Variants in GSG1L observed in about 807,000 individuals in gnomAD.
GSG1L encodes the protein germ cell-specific gene 1-like protein.
Under a neutral mutation model 42.1 loss-of-function variants are expected in GSG1L, and 24 were observed. That is an observed-to-expected ratio of 0.57 (90% CI 0.41 to 0.80). The LOEUF is 0.80. Among genes scored for constraint, GSG1L ranks in the 30% least tolerant of loss-of-function variants. The pLI, the probability that GSG1L is intolerant of heterozygous loss-of-function variation, is 0.00. For synonymous variants in GSG1L, 215 were observed against 203.5 expected (o/e 1.06, Z -0.48); for missense variants, 445 against 472.2 (o/e 0.94, Z 0.53).
chr16:27,803,793 A>ATATATATATATATATATAAT (rs1567460435), intron 6 of GSG1L, among the ~76,000 whole-genome samples: 21 of 56,070 alleles, frequency 3.7e-4, no homozygotes, highest in African/African-American at 1.2e-3. Context: ...ATATATATAT[A>ATATATATATATATATATAAT]TAGATAGATA....
At chr16:27,854,475 A>G (rs983796613) in intron 3 of GSG1L, among the ~76,000 whole-genome samples, 5 of 152,160 alleles carry the variant, frequency 3.3e-5, no homozygotes, top group African/African-American at 1.2e-4. Context: ...AGCCCTTTCC[A>G]TTACATCCCC....
intron 3 of GSG1L, among the ~76,000 whole-genome samples, chr16:27,860,425 G>T (rs879443961): frequency 6.6e-6 from 1 of 152,344 alleles, no homozygotes; most frequent in Middle Eastern, 3.4e-3. Flanking sequence ...TCCAGCCCCT[G>T]CAATATCACA....
chr16:27,852,747 C>T (rs998843387), intron 3 of GSG1L, among the ~76,000 whole-genome samples: 1 of 152,142 alleles, frequency 6.6e-6, no homozygotes, highest in Non-Finnish European at 1.5e-5. Context: ...GGAATTGCAA[C>T]TTTCGGAGCA....
At chr16:28,022,352 G>T (rs533481055) in intron 1 of GSG1L, among the ~76,000 whole-genome samples, 1 of 152,086 alleles carries the variant, frequency 6.6e-6, no homozygotes, top group East Asian at 1.9e-4. Flanking sequence ...AGGAGACAAG[G>T]TCTCACTCTG....
In GSG1L at chr16:27,891,884, C is replaced by CTTTTTTTTTTTTT. The variant is rs60746199; in HGVS notation, c.398-7259_398-7247dup. ...TCTGCAGGTACCGTCAGTGACAGAT[C>CTTTTTTTTTTTTT]TTTTTTTTTTTTTTTTTTTTTTTTA... On this transcript the variant is annotated intron_variant, in intron 2 of 6. Coordinates refer to ENST00000447459, the MANE Select transcript of GSG1L (RefSeq NM_001109763.2). 5.4e-5 allele frequency among the ~76,000 whole-genome samples: 4 copies of CTTTTTTTTTTTTT among 74,344 alleles called. 2 individuals are homozygous for CTTTTTTTTTTTTT. Among genetic ancestry groups the CTTTTTTTTTTTTT allele is most frequent in the Non-Finnish European group, 5.3e-5 (2 of 37,956 alleles). 48.8% of individuals were successfully genotyped at this position (74,344 alleles called of 152,430 possible). A position where few individuals can be genotyped will look rare whatever the true frequency, so the allele number is the denominator to read the frequency against.
chr16:27,977,020 G>A (rs997229880), intron 1 of GSG1L, among the ~76,000 whole-genome samples: 5 of 152,162 alleles, frequency 3.3e-5, no homozygotes, highest in Non-Finnish European at 5.9e-5. Flanking sequence ...CCCCAGGCTC[G>A]AGTTTGTCAT....
At chr16:27,857,787 C>G (rs992806587) in intron 3 of GSG1L, among the ~76,000 whole-genome samples, 1 of 151,994 alleles carries the variant, frequency 6.6e-6, no homozygotes, top group Non-Finnish European at 1.5e-5. Flanking sequence ...TCTCTCCCTA[C>G]CCCCTCTCCA....
At chr16:27,979,053 C>T (rs1044015623) in intron 1 of GSG1L, among the ~76,000 whole-genome samples, 45 of 152,260 alleles carry the variant, frequency 3.0e-4, no homozygotes, top group African/African-American at 1.1e-3. Context: ...CATCCTCTGC[C>T]TCCTCATAGC....
intron 1 of GSG1L, among the ~76,000 whole-genome samples, chr16:28,038,203 T>A (rs2086061950): frequency 6.6e-6 from 1 of 152,212 alleles, no homozygotes; most frequent in Non-Finnish European, 1.5e-5. Context: ...CTGTAACTCC[T>A]GGGCTCAAGT....
At chr16:27,931,381 T>C (rs1481223280) in intron 2 of GSG1L, among the ~76,000 whole-genome samples, 5 of 152,192 alleles carry the variant, frequency 3.3e-5, no homozygotes, top group Non-Finnish European at 7.4e-5. Context: ...CCAGCCCCAC[T>C]GGCCTTTCTC....
chr16:27,871,019 C>A (rs1413320214), intron 3 of GSG1L, among the ~76,000 whole-genome samples: 1 of 147,246 alleles, frequency 6.8e-6, no homozygotes, highest in Non-Finnish European at 1.5e-5. Flanking sequence ...TCTCATTGCA[C>A]CCCCACACTT....
chr16:28,048,919 T>TA (rs1238984328), intron 1 of GSG1L, among the ~76,000 whole-genome samples: 3 of 152,090 alleles, frequency 2.0e-5, no homozygotes, highest in Non-Finnish European at 4.4e-5. Flanking sequence ...GAGGCTTTTT[T>TA]AAAAAAGATG....
intron 2 of GSG1L, among the ~76,000 whole-genome samples, chr16:27,955,644 A>C (rs916107595): frequency 6.6e-6 from 1 of 152,172 alleles, no homozygotes; most frequent in Non-Finnish European, 1.5e-5. Context: ...TAAAAACAAC[A>C]TGAGACATAA....
At chr16:27,805,823 T>G (rs958136448) in intron 6 of GSG1L, among the ~76,000 whole-genome samples, 6 of 151,354 alleles carry the variant, frequency 4.0e-5, no homozygotes, top group African/African-American at 1.2e-4. Flanking sequence ...CCTCTGACCC[T>G]GAGAACTCTC....
intron 2 of GSG1L, among the ~76,000 whole-genome samples, chr16:27,915,484 C>G (rs2194164): frequency 6.6e-6 from 1 of 152,202 alleles, no homozygotes; most frequent in Non-Finnish European, 1.5e-5. Context: ...GCCTGGCTGC[C>G]TAGGCTCACA....
At chr16:27,814,998 T>C (rs1410972265) in intron 5 of GSG1L, among the ~76,000 whole-genome samples, 1 of 152,034 alleles carries the variant, frequency 6.6e-6, no homozygotes, top group African/African-American at 2.4e-5. Context: ...GGTACAATCA[T>C]AGATCACTGC....
At chr16:27,951,145 G>T (rs572288954) in intron 2 of GSG1L, among the ~76,000 whole-genome samples, 29 of 152,316 alleles carry the variant, frequency 1.9e-4, no homozygotes, top group Middle Eastern at 3.4e-3. Flanking sequence ...GTTGCAGTCT[G>T]CCCTGCCTCC....
At chr16:27,839,536 A>G (rs1056934445) in intron 4 of GSG1L, among the ~76,000 whole-genome samples, 1 of 152,232 alleles carries the variant, frequency 6.6e-6, no homozygotes, top group African/African-American at 2.4e-5. Context: ...AGCAGGGGCC[A>G]CAGACTCAAA....
chr16:27,825,029 G>A (rs2140962031), intron 5 of GSG1L, among the ~76,000 whole-genome samples: 1 of 152,314 alleles, frequency 6.6e-6, no homozygotes, highest in African/African-American at 2.4e-5. Flanking sequence ...GGATCTTCCT[G>A]GCCACTGCTG....
Sources: gnomAD v4.1 joint callset for allele counts (sites outside exome capture counted in the v4.1 genomes callset) on GRCh38, gnomAD v4.1.1 for gene constraint, MANE v1.5 for transcripts, NCBI Gene and HGNC (gene_info 2026-07-23, HGNC 2026-07-21) for gene names.